The following DSCAML1 variants were observed in gnomAD, a reference collection of about 807,000 sequenced individuals.
DSCAML1 encodes the protein DS cell adhesion molecule like 1.
DSCAML1 carries 38 observed loss-of-function variants against 200.5 expected under a neutral mutation model. The observed-to-expected ratio is 0.19, with a 90% CI of 0.15 to 0.25. The LOEUF is 0.25. Ranked by LOEUF, DSCAML1 falls within the 10% of genes least tolerant of loss-of-function variation. The pLI, the probability that DSCAML1 is intolerant of heterozygous loss-of-function variation, is 1.00. For missense variants in DSCAML1, 2,223 were observed against 2,858.8 expected (o/e 0.78, Z 5.07); for synonymous variants, 1,215 against 1,165.0 (o/e 1.04, Z -0.87).
chr11:117,754,630 C>T (rs1328701850), intron 3 of DSCAML1, among the ~76,000 whole-genome samples: 1 of 152,118 alleles, frequency 6.6e-6, no homozygotes, highest in Admixed American at 6.5e-5. Flanking sequence ...TGACAGCTAA[C>T]TGGCTCACCC....
chr11:117,564,674 TTCCTTCCTTCCTTCCTA>T (rs879944677), intron 3 of DSCAML1, among the ~76,000 whole-genome samples: 15 of 149,892 alleles, frequency 1.0e-4, no homozygotes, highest in Admixed American at 1.0e-3. Flanking sequence ...TCCTTCCTCC[TTCCTTCCTTCCTTCCTA>T]TCCTTCCTTC....
intron 3 of DSCAML1, among the ~76,000 whole-genome samples, chr11:117,760,856 C>T (rs1157051788): frequency 6.6e-6 from 1 of 152,190 alleles, no homozygotes; most frequent in Non-Finnish European, 1.5e-5. Context: ...TCTATTCCAG[C>T]CCCTTCACTT....
Position 117,437,143 on chromosome 11 carries a change from C to T in DSCAML1, c.4699G>A (p.Ala1567Thr), listed in dbSNP as rs373463643. The T allele has an allele frequency of 9.3e-6, 15 of 1,613,020 alleles. No individual in the cohort carries two copies. Among genetic ancestry groups the T allele is most frequent in the Admixed American group, 3.3e-5 (2 of 59,966 alleles). Residue 1567 changes from alanine to threonine, a missense_variant, in exon 26 of 33, where the codon GCC becomes ACC. Ala to Thr is a moderately conservative substitution (Grantham distance 58). Coordinates refer to ENST00000651296, the MANE Select transcript of DSCAML1 (RefSeq NM_020693.4). This position sits in a 1 kb window ranked among gnomAD's most constrained non-coding sequence, Gnocchi z 5.3. ...AGCGNETAQFATLDYDGSTIP... is the reference protein window; with the variant it reads ...AGCGNETAQFTTLDYDGSTIP... ...TCACTGCCATCGTAGTCCAGGGTGGCGAACTGGGCTGTTTCATTGCCGCAG... is the reference window on the plus strand; with the variant it reads ...TCACTGCCATCGTAGTCCAGGGTGGTGAACTGGGCTGTTTCATTGCCGCAG...
intron 14 of DSCAML1, among the ~76,000 whole-genome samples, chr11:117,477,231 A>C (rs2048811903): frequency 6.7e-6 from 1 of 148,580 alleles, no homozygotes; most frequent in Non-Finnish European, 1.5e-5. Flanking sequence ...ACACACGTGC[A>C]CACTCTCTCC....
chr11:117,632,941 C>CA (rs1326033313), intron 3 of DSCAML1, among the ~76,000 whole-genome samples: 2 of 152,084 alleles, frequency 1.3e-5, no homozygotes, highest in Non-Finnish European at 2.9e-5. Flanking sequence ...TAAGTTTACA[C>CA]AAATAGTGAG....
At chr11:117,721,696 TA>T (rs1397947002) in intron 3 of DSCAML1, among the ~76,000 whole-genome samples, 19 of 147,646 alleles carry the variant, frequency 1.3e-4, no homozygotes, top group Admixed American at 8.8e-4. Flanking sequence ...TATTTATATA[TA>T]AAAATGTTTA....
At chr11:117,578,860 T>C (rs1401734998) in intron 3 of DSCAML1, among the ~76,000 whole-genome samples, 1 of 152,108 alleles carries the variant, frequency 6.6e-6, no homozygotes, top group African/African-American at 2.4e-5. Context: ...GAATGTCTAA[T>C]AGTCATTGCA....
intron 14 of DSCAML1, among the ~76,000 whole-genome samples, chr11:117,473,972 C>G (rs1035622747): frequency 6.6e-6 from 1 of 152,058 alleles, no homozygotes; most frequent in South Asian, 2.1e-4. Flanking sequence ...TAAGTCACAT[C>G]TGATGTGCCC....
At chr11:117,717,444 C>T (rs2053970133) in intron 3 of DSCAML1, among the ~76,000 whole-genome samples, 1 of 152,232 alleles carries the variant, frequency 6.6e-6, no homozygotes, top group Admixed American at 6.5e-5. Context: ...CCACCAGGGA[C>T]AACAAATTGG....
Position 117,458,836 on chromosome 11 carries a change from G to C in DSCAML1, c.3486C>G (p.Asn1162Lys). ...VELRGMEKFT[N>K]YSVQVLAYTQ... ...TGTAGGCCAGCACCTGGACGCTGTA[G>C]TTGGTGAACTTCTCCATGCCCCGCA... The change falls in exon 19 of 33, where the codon AAC becomes AAG. Residue 1162 changes from asparagine to lysine, a missense_variant. This residue lies in a region of DSCAML1 where 438 missense variants were observed against 629.7 expected (regional missense o/e 0.70). Coordinates refer to ENST00000651296, the MANE Select transcript of DSCAML1 (RefSeq NM_020693.4). 1 of 1,614,052 alleles carries C rather than the reference G, an allele frequency of 6.2e-7. No individual in the cohort carries two copies. The highest frequency in any genetic ancestry group is 8.5e-7 in the Non-Finnish European group (1 of 1,180,004).
In DSCAML1 at chr11:117,524,998, G is replaced by T; in HGVS notation, c.744C>A (p.Thr248=). ...TGGCGGGGATAGGGTAGCCCGAGGC[G>T]GTGCAGGGCAGCTCCACGGTGTGGC... is the stretch of plus-strand genomic sequence containing the variant. ...WAGHTVELPC[T]ASGYPIPAIR... The change falls in exon 5 of 33, where the codon ACC becomes ACA. Residue 248 remains threonine, a synonymous_variant. Coordinates refer to ENST00000651296, the MANE Select transcript of DSCAML1 (RefSeq NM_020693.4). 2 of 1,610,668 alleles carry T rather than the reference G, an allele frequency of 1.2e-6. No individual in the cohort carries two copies. Among genetic ancestry groups the T allele is most frequent in the African/African-American group, 1.3e-5 (1 of 74,980 alleles).
intron 3 of DSCAML1, among the ~76,000 whole-genome samples, chr11:117,550,313 G>A (rs1234019213): frequency 6.6e-6 from 1 of 152,162 alleles, no homozygotes; most frequent in Non-Finnish European, 1.5e-5. Context: ...AGATTCAGAA[G>A]CTTGCCTAAA....
chr11:117,570,976 G>A (rs975049532), intron 3 of DSCAML1, among the ~76,000 whole-genome samples: 3 of 152,264 alleles, frequency 2.0e-5, no homozygotes, highest in African/African-American at 7.2e-5. Flanking sequence ...ACACATGGCA[G>A]CTGAGGGTAG....
chr11:117,453,243 G>A (rs7946621), intron 19 of DSCAML1, among the ~76,000 whole-genome samples: 4,415 of 152,220 alleles, frequency 0.029, 224 homozygotes, highest in African/African-American at 0.1. Context: ...CCCCATTGTC[G>A]TTTATTTTAA....
At chr11:117,502,115 T>C (rs556832069) in intron 11 of DSCAML1, among the ~76,000 whole-genome samples, 17 of 152,274 alleles carry the variant, frequency 1.1e-4, no homozygotes, top group Non-Finnish European at 1.5e-4. Context: ...CAAGTGAGGA[T>C]GGCATAGGAA....
chr11:117,554,704 GCCT>G (rs1243157561), intron 3 of DSCAML1, among the ~76,000 whole-genome samples: 1 of 152,108 alleles, frequency 6.6e-6, no homozygotes, highest in Non-Finnish European at 1.5e-5. Flanking sequence ...ACATTGTCCT[GCCT>G]CCTTTTTTCC....
intron 19 of DSCAML1, among the ~76,000 whole-genome samples, chr11:117,457,802 ATTGT>A (rs2048401610): frequency 6.6e-6 from 1 of 152,144 alleles, no homozygotes; most frequent in African/African-American, 2.4e-5. Flanking sequence ...CTTCAGCCAA[ATTGT>A]TTGGGTAGGA....
intron 3 of DSCAML1, among the ~76,000 whole-genome samples, chr11:117,609,170 G>T (rs552823173): frequency 6.6e-6 from 1 of 151,674 alleles, no homozygotes; most frequent in Non-Finnish European, 1.5e-5. Context: ...CTGCACTCCA[G>T]GCTGGGCGAC....
At chr11:117,717,780 T>C (rs1044747644) in intron 3 of DSCAML1, among the ~76,000 whole-genome samples, 1 of 152,130 alleles carries the variant, frequency 6.6e-6, no homozygotes, top group African/African-American at 2.4e-5. Flanking sequence ...GGGGGGTTGC[T>C]GTAATTGATG....
Sources: gnomAD v4.1 joint callset for allele counts (sites outside exome capture counted in the v4.1 genomes callset) on GRCh38, gnomAD v4.1.1 for gene constraint, gnomAD v4.1.1 regional missense constraint, Gnocchi (gnomAD v3.1) non-coding constraint, MANE v1.5 for transcripts, NCBI Gene and HGNC (gene_info 2026-07-23, HGNC 2026-07-21) for gene names.